Variants in ASXL3 observed in about 807,000 individuals in gnomAD.
ASXL3 encodes the protein ASXL transcriptional regulator 3, also known as putative Polycomb group protein ASXL3.
A neutral mutation model predicts 170.6 loss-of-function variants in ASXL3; 34 were observed. That is an observed-to-expected ratio of 0.20 (90% CI 0.15 to 0.27). ASXL3 has a LOEUF of 0.27. Ranked by LOEUF, ASXL3 falls within the 10% of genes least tolerant of loss-of-function variation. The probability of loss-of-function intolerance (pLI) is 1.00; values close to 1 mark genes in which losing one functional copy is unlikely to be tolerated. For synonymous variants in ASXL3, 1,002 were observed against 989.1 expected (o/e 1.01, Z -0.24); for missense variants, 2,592 against 2,695.3 (o/e 0.96, Z 0.85).
At chr18:33,667,264 G>A (rs1187602140) in intron 5 of ASXL3, among the ~76,000 whole-genome samples, 3 of 151,972 alleles carry the variant, frequency 2.0e-5, no homozygotes, top group East Asian at 3.9e-4. Context: ...CTAATCCTGG[G>A]GATCTCAGAA....
intron 11 of ASXL3, among the ~76,000 whole-genome samples, chr18:33,741,277 T>C (rs2067657568): frequency 6.6e-6 from 1 of 152,188 alleles, no homozygotes; most frequent in African/African-American, 2.4e-5. Context: ...TATGTAAAGA[T>C]AGATAGATAA....
chr18:33,640,002 C>A (rs1227437611), intron 2 of ASXL3, among the ~76,000 whole-genome samples: 1 of 152,162 alleles, frequency 6.6e-6, no homozygotes, highest in Non-Finnish European at 1.5e-5. Context: ...AACCACATAT[C>A]CTCACATAGA....
intron 4 of ASXL3, among the ~76,000 whole-genome samples, chr18:33,660,649 T>TGACATATGCCTCCATG (rs2066157999): frequency 6.6e-6 from 1 of 152,186 alleles, no homozygotes; most frequent in Non-Finnish European, 1.5e-5. Flanking sequence ...CTCCTGCCTT[T>TGACATATGCCTCCATG]GACATATGCC....
intron 2 of ASXL3, among the ~76,000 whole-genome samples, chr18:33,619,033 G>A (rs1047987083): frequency 6.6e-6 from 1 of 151,968 alleles, no homozygotes; most frequent in African/African-American, 2.4e-5. Flanking sequence ...CTTTATATTA[G>A]GCTTAATGCC....
At chr18:33,714,040 G>T (rs1379417275) in intron 8 of ASXL3, among the ~76,000 whole-genome samples, 1 of 152,150 alleles carries the variant, frequency 6.6e-6, no homozygotes, top group Admixed American at 6.5e-5. Context: ...CCTGCTGGTG[G>T]GTGAGTGTGT....
At position 33,745,109 on chromosome 18, in the gene ASXL3, T is replaced by A. The variant is rs1568367787; in HGVS notation, c.5261T>A (p.Leu1754Gln). Reference sequence around the variant, plus strand: ...AACAATCCGCTGGTGACGCAGTTACTACAGGGCAACCTGCCTTTGGAAAAA... The same window carrying A: ...AACAATCCGCTGGTGACGCAGTTACAACAGGGCAACCTGCCTTTGGAAAAA... ...EANNPLVTQL[L>Q]QGNLPLEKVL... The change falls in exon 12 of 12, where the codon CTA becomes CAA. Residue 1754 changes from leucine to glutamine, a missense_variant. Physicochemically the swap from Leu to Gln is moderately radical, Grantham distance 113. Around this residue, in one of 4 missense-constraint regions of ASXL3, gnomAD observed 2,246 missense variants for 2,219.6 expected, o/e 1.01. Coordinates refer to ENST00000269197, the MANE Select transcript of ASXL3 (RefSeq NM_030632.3). 6.2e-7 allele frequency: 1 copy of A among 1,614,012 alleles called. No individual in the cohort carries two copies. The highest frequency in any genetic ancestry group is 8.5e-7 in the Non-Finnish European group (1 of 1,179,890).
At position 33,721,692 on chromosome 18, in the gene ASXL3, C is replaced by T. The variant is rs75152346; in HGVS notation, c.880-10276C>T. Among the ~76,000 whole-genome samples, 7 of 152,104 alleles carry T rather than the reference C, an allele frequency of 4.6e-5. No homozygotes were observed. In the East Asian group the frequency reaches 1.4e-3, roughly 29 times the overall value. On this transcript the variant is annotated intron_variant, in intron 8 of 11. Coordinates refer to ENST00000269197, the MANE Select transcript of ASXL3 (RefSeq NM_030632.3). Reference sequence around the variant, plus strand: ...AAAATTTACTTTGTGTTCACTTTTGCTTGATTCCATGCATACTTTTAAAAC... The same window carrying T: ...AAAATTTACTTTGTGTTCACTTTTGTTTGATTCCATGCATACTTTTAAAAC...
At chr18:33,620,355 A>G (rs2065491101) in intron 2 of ASXL3, among the ~76,000 whole-genome samples, 1 of 152,144 alleles carries the variant, frequency 6.6e-6, no homozygotes, top group Non-Finnish European at 1.5e-5. Context: ...GATTGTTGTC[A>G]GTGAGGTAGT....
chr18:33,669,766 C>A (rs2066311565), intron 5 of ASXL3, among the ~76,000 whole-genome samples: 1 of 152,114 alleles, frequency 6.6e-6, no homozygotes, highest in South Asian at 2.1e-4. Context: ...AGGATTGAGG[C>A]AGTATGAAGC....
intron 8 of ASXL3, among the ~76,000 whole-genome samples, chr18:33,695,135 A>G (rs2066751853): frequency 6.6e-6 from 1 of 152,168 alleles, no homozygotes; most frequent in Non-Finnish European, 1.5e-5. Flanking sequence ...TATTCTACAA[A>G]TAGTGTATAT....
At chr18:33,651,444 A>G (rs1258651646) in intron 4 of ASXL3, among the ~76,000 whole-genome samples, 1 of 151,970 alleles carries the variant, frequency 6.6e-6, no homozygotes, top group Non-Finnish European at 1.5e-5. Context: ...GGGGTGTGGG[A>G]GAGAAAAGTT....
chr18:33,672,973 T>C (rs972461481), intron 7 of ASXL3, among the ~76,000 whole-genome samples: 1 of 152,196 alleles, frequency 6.6e-6, no homozygotes, highest in Non-Finnish European at 1.5e-5. Context: ...TTTGCATTAT[T>C]TTAAGGCCAA....
intron 4 of ASXL3, among the ~76,000 whole-genome samples, chr18:33,648,475 G>A (rs1414670414): frequency 6.6e-6 from 1 of 152,092 alleles, no homozygotes; most frequent in African/African-American, 2.4e-5. Flanking sequence ...ATCTTCAAGG[G>A]AACCAGTTAA....
chr18:33,649,829 A>C (rs2065970128), intron 4 of ASXL3, among the ~76,000 whole-genome samples: 1 of 152,078 alleles, frequency 6.6e-6, no homozygotes, highest in South Asian at 2.1e-4. Flanking sequence ...TGGAAGTGTA[A>C]GTGATATGAG....
At chr18:33,727,879 A>G (rs951040116) in intron 8 of ASXL3, among the ~76,000 whole-genome samples, 7 of 152,166 alleles carry the variant, frequency 4.6e-5, no homozygotes, top group Non-Finnish European at 7.4e-5. Flanking sequence ...TGTCTGTTAC[A>G]GCCTGGGGAT....
At chr18:33,630,680 G>C (rs2065664215) in intron 2 of ASXL3, among the ~76,000 whole-genome samples, 1 of 151,928 alleles carries the variant, frequency 6.6e-6, no homozygotes, top group Admixed American at 6.6e-5. Flanking sequence ...TTGACATTCT[G>C]CTGATCAAGG....
chr18:33,582,689 TGTTG>T lies in ASXL3; in HGVS notation c.54+4012_54+4015del, dbSNP rs1026071851. 3.3e-5 allele frequency among the ~76,000 whole-genome samples: 5 copies of T among 149,984 alleles called. No homozygotes were observed. In the East Asian group the frequency reaches 5.8e-4, roughly 18 times the overall value. ...TGCACACAGATAATGAACATCAGTTTGTTGGTTGGTTTTTTTCTGTGTGTGTGTG... is the reference window on the plus strand; with the variant it reads ...TGCACACAGATAATGAACATCAGTTTGTTGGTTTTTTTCTGTGTGTGTGTG... On this transcript the variant is annotated intron_variant, in intron 1 of 11. Coordinates refer to ENST00000269197, the MANE Select transcript of ASXL3 (RefSeq NM_030632.3).
chr18:33,708,921 C>A (rs1256051086), intron 8 of ASXL3, among the ~76,000 whole-genome samples: 1 of 152,066 alleles, frequency 6.6e-6, no homozygotes, highest in Non-Finnish European at 1.5e-5. Context: ...TATGATTGAA[C>A]AATTTTGCTA....
intron 1 of ASXL3, among the ~76,000 whole-genome samples, chr18:33,597,045 G>A (rs1011759157): frequency 2.0e-4 from 31 of 152,028 alleles, no homozygotes; most frequent in Admixed American, 1.1e-3. Flanking sequence ...GAACTCCTGA[G>A]CTCGAGCGAT....
Sources: gnomAD v4.1 joint callset for allele counts (sites outside exome capture counted in the v4.1 genomes callset) on GRCh38, gnomAD v4.1.1 for gene constraint, gnomAD v4.1.1 regional missense constraint, MANE v1.5 for transcripts, NCBI Gene and HGNC (gene_info 2026-07-23, HGNC 2026-07-21) for gene names.